Variants in SMURF1 observed in about 807,000 individuals in gnomAD.
SMURF1 encodes SMAD specific E3 ubiquitin protein ligase 1.
SMURF1 carries 44 observed loss-of-function variants against 98.0 expected under a neutral mutation model. The observed-to-expected ratio is 0.45, with a 90% CI of 0.35 to 0.58. SMURF1 has a LOEUF of 0.58. Among genes scored for constraint, SMURF1 ranks in the 20% least tolerant of loss-of-function variants. SMURF1 has a pLI of 0.00. For synonymous variants in SMURF1, 396 were observed against 374.9 expected, an observed-to-expected ratio of 1.06 and a Z score of -0.65; for missense variants, 687 against 938.4, an observed-to-expected ratio of 0.73 and a Z score of 3.50.
In SMURF1 at chr7:99,143,878, G is replaced by A; in HGVS notation, c.-98C>T. On this transcript the variant is annotated 5_prime_UTR_variant, in exon 1 of 18. Coordinates refer to ENST00000361368, the MANE Select transcript of SMURF1 (RefSeq NM_181349.3). Reference sequence around the variant, plus strand: ...CCGCCGCCTCAAGGTTACGGCTCCGGGCTGGGCGCCGGGGTCCGAGCCGGG... The same window carrying A: ...CCGCCGCCTCAAGGTTACGGCTCCGAGCTGGGCGCCGGGGTCCGAGCCGGG... The A allele has an allele frequency of 8.6e-7, 1 of 1,158,152 alleles. No individual in the cohort carries two copies. The highest frequency in any genetic ancestry group is 1.8e-5 in the South Asian group (1 of 54,266). The allele number at this position is 1,158,152 out of a possible 1,614,324, so 71.7% of individuals were successfully genotyped here. A position where few individuals can be genotyped will look rare whatever the true frequency, so the allele number is the denominator to read the frequency against.
intron 1 of SMURF1, among the ~76,000 whole-genome samples, chr7:99,079,132 C>T (rs978498538): frequency 3.3e-5 from 5 of 152,240 alleles, no homozygotes; most frequent in African/African-American, 7.2e-5. Flanking sequence ...AGCCGGGAAG[C>T]TGAGGCCCAG....
intron 1 of SMURF1, among the ~76,000 whole-genome samples, chr7:99,104,456 C>G (rs1357339136): frequency 2.6e-5 from 4 of 152,122 alleles, no homozygotes; most frequent in African/African-American, 7.2e-5. Flanking sequence ...TTGAAACCCC[C>G]CTCTTCCACT....
chr7:99,143,679 C>T, intron 1 of SMURF1, 47 bp downstream of exon 1: 1 of 1,448,100 alleles, frequency 6.9e-7, no homozygotes, highest in African/African-American at 1.6e-5. Context: ...AATTCCGGGG[C>T]GGGCGAGGGG....
At chr7:99,070,416 GA>G (rs1038190780) in intron 1 of SMURF1, among the ~76,000 whole-genome samples, 16 of 152,198 alleles carry the variant, frequency 1.1e-4, no homozygotes, top group Non-Finnish European at 1.5e-5. Flanking sequence ...ATTCATGGGT[GA>G]AGGCATCTCT....
intron 5 of SMURF1, among the ~76,000 whole-genome samples, chr7:99,055,746 C>T (rs1795861426): frequency 1.3e-5 from 2 of 152,142 alleles, no homozygotes; most frequent in African/African-American, 4.8e-5. Flanking sequence ...GGGCGGATCA[C>T]CTGAGGCTGG....
Position 99,033,029 on chromosome 7 carries a change from G to A in SMURF1, c.2096+8C>T, listed in dbSNP as rs1362862914. ...AGGACGCCGTGACTTCCTGGCCGCG[G>A]TGCTTACCAGGTATGGGCCTTCGGA... is the stretch of plus-strand genomic sequence containing the variant. On this transcript the variant is annotated splice_region_variant and intron_variant, in intron 17 of 17. Transcript: ENST00000361368. The A allele has an allele frequency of 1.3e-6, 2 of 1,598,738 alleles. No individual in the cohort carries two copies. Among genetic ancestry groups the A allele is most frequent in the African/African-American group, 1.3e-5 (1 of 74,698 alleles).
chr7:99,122,638 C>T (rs1425789491), intron 1 of SMURF1, among the ~76,000 whole-genome samples: 1 of 83,626 alleles, frequency 1.2e-5, no homozygotes, highest in Non-Finnish European at 2.9e-5. Flanking sequence ...AGCGAGATTC[C>T]GTGTCAAAAA....
chr7:99,057,694 T>G, intron 3 of SMURF1, 143 bp from the exon 4 acceptor site: 1 of 966,132 alleles, frequency 1.0e-6, no homozygotes, highest in Non-Finnish European at 1.4e-6. Flanking sequence ...AACTCCCAAG[T>G]TCAAGTGATT....
intron 1 of SMURF1, among the ~76,000 whole-genome samples, chr7:99,115,164 AT>A (rs1797408918): frequency 1.3e-5 from 2 of 152,108 alleles, no homozygotes; most frequent in Non-Finnish European, 2.9e-5. Context: ...GAAATAGAGA[AT>A]AAAGCAGCAA....
At chr7:99,123,568 G>T (rs1259121399) in intron 1 of SMURF1, among the ~76,000 whole-genome samples, 1 of 152,116 alleles carries the variant, frequency 6.6e-6, no homozygotes, top group African/African-American at 2.4e-5. Flanking sequence ...ATAAATATTA[G>T]GTTGGTAAGA....
intron 1 of SMURF1, among the ~76,000 whole-genome samples, chr7:99,104,144 C>T (rs1797147562): frequency 6.6e-6 from 1 of 152,184 alleles, no homozygotes; most frequent in Non-Finnish European, 1.5e-5. Context: ...GCCTCGGCCT[C>T]CCAAAGTGCT....
chr7:99,095,651 C>T (rs1796941129), intron 1 of SMURF1, among the ~76,000 whole-genome samples: 1 of 152,200 alleles, frequency 6.6e-6, no homozygotes, highest in Non-Finnish European at 1.5e-5. Flanking sequence ...CAAGTGCCTA[C>T]TTCCTATGCA....
chr7:99,101,179 T>C (rs939532165), intron 1 of SMURF1, among the ~76,000 whole-genome samples: 8 of 152,188 alleles, frequency 5.3e-5, no homozygotes, highest in African/African-American at 1.7e-4. Context: ...ATCCCCGGCC[T>C]GGGCAACATG....
chr7:99,057,046 C>T (rs1204892112), intron 5 of SMURF1, among the ~76,000 whole-genome samples, 159 bp downstream of exon 5: 2 of 148,882 alleles, frequency 1.3e-5, no homozygotes, highest in Non-Finnish European at 3.0e-5. Context: ...AAAAACTACA[C>T]AAGACAAAAC....
intron 1 of SMURF1, among the ~76,000 whole-genome samples, chr7:99,084,767 T>C (rs1260109530): frequency 6.6e-6 from 1 of 152,082 alleles, no homozygotes; most frequent in Non-Finnish European, 1.5e-5. Context: ...CCCGACCAAA[T>C]GCACAGCTAC....
intron 1 of SMURF1, among the ~76,000 whole-genome samples, chr7:99,078,768 A>G (rs1441724507): frequency 5.9e-5 from 9 of 151,812 alleles, no homozygotes; most frequent in Admixed American, 5.9e-4. Flanking sequence ...GTCTCCCATC[A>G]CCCCCACATG....
chr7:99,065,470 G>A (rs956938893), intron 1 of SMURF1, among the ~76,000 whole-genome samples: 2 of 152,086 alleles, frequency 1.3e-5, no homozygotes, highest in African/African-American at 4.8e-5. Flanking sequence ...TATTGTGAAT[G>A]GAATCCTTCC....
chr7:99,071,529 C>T (rs1433163477), intron 1 of SMURF1, among the ~76,000 whole-genome samples: 1 of 152,168 alleles, frequency 6.6e-6, no homozygotes, highest in African/African-American at 2.4e-5. Context: ...TTTTTCCCAA[C>T]ACCCTCACAG....
At chr7:99,059,462 T>A (rs1795979196) in intron 3 of SMURF1, among the ~76,000 whole-genome samples, 2 of 142,264 alleles carry the variant, frequency 1.4e-5, no homozygotes, top group Non-Finnish European at 3.1e-5. Flanking sequence ...TAAAATAAAA[T>A]AAAATAGTGG....
Sources: allele counts gnomAD v4.1 joint callset (sites outside exome capture counted in the v4.1 genomes callset), GRCh38; gene constraint gnomAD v4.1.1; transcripts MANE v1.5; gene names NCBI Gene and HGNC (gene_info 2026-07-23, HGNC 2026-07-21).